Variants in MTERF4 observed in about 807,000 individuals in gnomAD.
The protein encoded by MTERF4 is transcription termination factor 4, mitochondrial.
MTERF4 carries 17 observed loss-of-function variants against 22.5 expected under a neutral mutation model. That is an observed-to-expected ratio of 0.75 (90% CI 0.52 to 1.13). The LOEUF is 1.13. Among genes scored for constraint, MTERF4 ranks in the 50% most tolerant of loss-of-function variants. The pLI is 0.00. For synonymous variants in MTERF4, 165 were observed against 175.3 expected (o/e 0.94, Z 0.47); for missense variants, 420 against 466.8 (o/e 0.90, Z 0.92).
the MTERF4 span, chr2:241,049,945 AG>A: frequency 6.2e-7 from 1 of 1,605,516 alleles, no homozygotes; most frequent in Non-Finnish European, 8.5e-7. Context: ...TATGGCGGGC[AG>A]GGGCGTCCGG....
In MTERF4 at chr2:241,073,176, T is replaced by G; in HGVS notation, n.2986A>C. 1.3e-4 allele frequency: 122 copies of G among 915,280 alleles called. No homozygotes were observed. The highest frequency in any genetic ancestry group is 1.9e-4 in the Non-Finnish European group (112 of 591,526). The allele number at this position is 915,280 out of a possible 1,614,324, so 56.7% of individuals were successfully genotyped here. ...CCCCACCAGGGACATCCGTGCTCCC[T>G]GAGATATAGAAGCACTCAAAAGGGT... On this transcript the variant is annotated non_coding_transcript_exon_variant, in exon 5 of 5. Transcript: ENST00000464344. The surrounding 1 kb of genome is among the most constrained non-coding windows in gnomAD (Gnocchi z 6.6).
intron 4 of MTERF4, among the ~76,000 whole-genome samples, chr2:241,079,135 G>A (rs1289141140): frequency 5.1e-5 from 6 of 116,836 alleles, no homozygotes; most frequent in Non-Finnish European, 3.5e-5. Flanking sequence ...AAAAAAGGCC[G>A]GGCGCGGTGG....
At position 241,102,265 on chromosome 2, in the gene MTERF4, C is replaced by T. The variant is rs764767572; in HGVS notation, c.9G>A (p.Ala3=). 6.5e-6 allele frequency: 10 copies of T among 1,549,522 alleles called. No homozygotes were observed. In the South Asian group the frequency reaches 1.2e-4, roughly 18 times the overall value. Residue 3 remains alanine (A), a synonymous_variant, in exon 1 of 4, where the codon GCG becomes GCA. Transcript: ENST00000391980. MA[A]FGRQVLDWHR... is the part of the protein sequence containing the mutation. The stretch of plus-strand genomic sequence containing the variant: ...AGCTCGAGCTTACCTGACGGCCGAA[C>T]GCAGCCATAGCGCGGAGAAGATGGC...
chr2:241,091,484 G>A (rs749109204), downstream of MTERF4, among the ~76,000 whole-genome samples: 15 of 152,228 alleles, frequency 9.9e-5, no homozygotes, highest in Non-Finnish European at 2.2e-4. This position sits in a 1 kb window ranked among gnomAD's most constrained non-coding sequence, Gnocchi z 4.1. Context: ...CGTGTGCACT[G>A]CCATATGGTA....
In MTERF4 at chr2:241,095,599, C is replaced by T. The variant is rs1370014863; in HGVS notation, c.*399G>A. The stretch of plus-strand genomic sequence containing the variant: ...CCTTCTCGTAATTTTATTTTTATCA[C>T]AAGAAGGAAATACATAGTGATTCCT... On this transcript the variant is annotated 3_prime_UTR_variant, in exon 4 of 4. Coordinates refer to ENST00000391980, the MANE Select transcript of MTERF4 (RefSeq NM_182501.4). 5.4e-6 allele frequency: 1 copy of T among 186,506 alleles called. No homozygotes were observed. Among genetic ancestry groups the T allele is most frequent in the African/African-American group, 2.4e-5 (1 of 42,324 alleles). 11.6% of individuals were successfully genotyped at this position (186,506 alleles called of 1,614,324 possible). A position where few individuals can be genotyped will look rare whatever the true frequency, so the allele number is the denominator to read the frequency against.
At chr2:241,090,789 C>G (rs1183300490), downstream of MTERF4, among the ~76,000 whole-genome samples, 1 of 151,288 alleles carries the variant, frequency 6.6e-6, no homozygotes, top group Admixed American at 6.6e-5. Flanking sequence ...ATCACTTGAA[C>G]TTGGAAGGCA....
chr2:241,055,057 C>T, the MTERF4 span, among the ~76,000 whole-genome samples: 4 of 151,436 alleles, frequency 2.6e-5, no homozygotes, highest in Admixed American at 2.0e-4. Flanking sequence ...GCGGAGGTTG[C>T]AGTGAGGTGA....
chr2:241,087,868 C>T (rs963283528), downstream of MTERF4: 5 of 448,922 alleles, frequency 1.1e-5, no homozygotes, highest in Admixed American at 8.2e-5. Flanking sequence ...AAGGTAGTTA[C>T]AAGAATTACT....
downstream of MTERF4, chr2:241,089,108 G>A (rs2063744906): frequency 1.9e-6 from 1 of 515,700 alleles, no homozygotes; most frequent in South Asian, 3.3e-5. Flanking sequence ...AACAACACTG[G>A]CATTCTTCAC....
rs1191794230 is a variant in MTERF4, at chr2:241,073,298, G to A, written n.2864C>T. ...AGCCTCGGCGCAGCTCGAGAACATG[G>A]AGGAAGCCCCCAAGCGGGTCAGCCT... On this transcript the variant is annotated non_coding_transcript_exon_variant, in exon 5 of 5. Coordinates refer to the MTERF4 transcript ENST00000464344. The surrounding 1 kb of genome is among the most constrained non-coding windows in gnomAD (Gnocchi z 6.6). The A allele has an allele frequency of 1.3e-6, 2 of 1,569,228 alleles. No individual in the cohort carries two copies. Among genetic ancestry groups the A allele is most frequent in the Admixed American group, 3.8e-5 (2 of 52,618 alleles).
the MTERF4 span, chr2:241,050,038 G>C: frequency 1.2e-6 from 1 of 824,782 alleles, no homozygotes; most frequent in Non-Finnish European, 2.1e-6. Context: ...GCGAATTGCT[G>C]ACCTCGTCTA....
At chr2:241,101,228 T>G (rs950177203) in intron 1 of MTERF4, 5 of 464,686 alleles carry the variant, frequency 1.1e-5, no homozygotes, top group Non-Finnish European at 2.2e-5. Context: ...CCATCTGGGG[T>G]TGATGGGAAA....
downstream of MTERF4, chr2:241,082,192 C>A: frequency 1.8e-6 from 2 of 1,093,954 alleles, no homozygotes; most frequent in Non-Finnish European, 2.7e-6. Flanking sequence ...GACCCCCGGG[C>A]CCTCTCCCTT....
chr2:241,068,048 G>C, downstream of MTERF4: 1 of 1,117,582 alleles, frequency 8.9e-7, no homozygotes, highest in Non-Finnish European at 1.3e-6. The surrounding 1 kb of genome is among the most constrained non-coding windows in gnomAD (Gnocchi z 5.3). Context: ...TGTGTGGACT[G>C]TACCACCTGC....
At chr2:241,088,672 C>A, downstream of MTERF4, 1 of 471,196 alleles carries the variant, frequency 2.1e-6, no homozygotes. Context: ...CACTCTCTCT[C>A]AAGGGAAATG....
At chr2:241,047,101 C>T in the MTERF4 span, among the ~76,000 whole-genome samples, 5 of 145,802 alleles carry the variant, frequency 3.4e-5, no homozygotes, top group South Asian at 4.4e-4. Context: ...GCCGAGATCG[C>T]GCCACTGCAC....
the MTERF4 span, among the ~76,000 whole-genome samples, chr2:241,059,222 T>C: frequency 6.6e-6 from 1 of 152,196 alleles, no homozygotes; most frequent in Admixed American, 6.5e-5. Flanking sequence ...TATACAGCCT[T>C]ATATCTGTTA....
In MTERF4 at chr2:241,073,358, A is replaced by G. The variant is rs777658372; in HGVS notation, n.2804T>C. On this transcript the variant is annotated non_coding_transcript_exon_variant, in exon 5 of 5. Coordinates refer to the MTERF4 transcript ENST00000464344. This position sits in a 1 kb window ranked among gnomAD's most constrained non-coding sequence, Gnocchi z 6.6. ...GCTCCCTGAACACGGCAGCAAGGACATCGGAAGTGAGTCAGCAGCGCTGGT... is the reference window on the plus strand; with the variant it reads ...GCTCCCTGAACACGGCAGCAAGGACGTCGGAAGTGAGTCAGCAGCGCTGGT... 2.2e-5 allele frequency: 35 copies of G among 1,567,598 alleles called. No individual in the cohort carries two copies. Among genetic ancestry groups the G allele is most frequent in the South Asian group, 9.4e-5 (8 of 84,904 alleles).
rs1020991682 is a variant in MTERF4, at chr2:241,073,235, C to T, written n.2927G>A. 28 of 1,506,306 alleles carry T rather than the reference C, an allele frequency of 1.9e-5. No individual in the cohort carries two copies. Among genetic ancestry groups the T allele is most frequent in the African/African-American group, 1.2e-4 (9 of 72,146 alleles). 93.3% of individuals were successfully genotyped at this position (1,506,306 alleles called of 1,614,324 possible). On this transcript the variant is annotated non_coding_transcript_exon_variant, in exon 5 of 5. Coordinates refer to the MTERF4 transcript ENST00000464344. The surrounding 1 kb of genome is among the most constrained non-coding windows in gnomAD (Gnocchi z 6.6). ...GACCATCCCGGGTGCAAAGCAGCTGCGCCGTGTGGTCACCGCCTGGCTTCT... is the reference window on the plus strand; with the variant it reads ...GACCATCCCGGGTGCAAAGCAGCTGTGCCGTGTGGTCACCGCCTGGCTTCT...
Sources: allele counts gnomAD v4.1 joint callset (sites outside exome capture counted in the v4.1 genomes callset), GRCh38; gene constraint gnomAD v4.1.1; non-coding constraint Gnocchi (gnomAD v3.1); transcripts MANE v1.5; gene names NCBI Gene and HGNC (gene_info 2026-07-23, HGNC 2026-07-21).